The following ZMAT1 variants were observed in gnomAD, a reference collection of about 807,000 sequenced individuals.
ZMAT1 encodes zinc finger matrin-type 1.
A neutral mutation model predicts 18.5 loss-of-function variants in ZMAT1; 11 were observed. The ratio of observed to expected loss-of-function variants is 0.59; its 90% CI spans 0.37 to 0.98. The LOEUF (loss-of-function observed/expected upper bound fraction) is 0.98, where lower values mean the gene tolerates loss of function less well. ZMAT1 is among the 50% of genes least tolerant of loss of function. The probability of loss-of-function intolerance (pLI) is 0.01; values close to 1 mark genes in which losing one functional copy is unlikely to be tolerated. For missense variants in ZMAT1, 525 were observed against 496.2 expected, an observed-to-expected ratio of 1.06 and a Z score of -0.55; for synonymous variants, 211 against 176.4, an observed-to-expected ratio of 1.20 and a Z score of -1.55.
chrX:101,889,013 T>G (rs780076432), intron 4 of ZMAT1: 2 of 111,608 alleles, frequency 1.8e-5, no homozygotes, highest in Non-Finnish European at 3.8e-5. Context: ...AGAGGTAACA[T>G]AGAGGTTTAG....
chrX:101,884,647 A>T lies in ZMAT1; in HGVS notation c.951T>A (p.Asp317Glu). The T allele has an allele frequency of 1.7e-6, 2 of 1,210,799 alleles. No homozygotes were observed. The highest frequency in any genetic ancestry group is 2.2e-6 in the Non-Finnish European group (2 of 895,099). ...CAAACATTCTATGTCTGGGTCTGGAATCGACCACTTCTCTGTATCTACGGG... is the reference window on the plus strand; with the variant it reads ...CAAACATTCTATGTCTGGGTCTGGATTCGACCACTTCTCTGTATCTACGGG... ...LETRRYREVVDSRPRHRMFEQ... is the reference protein window; with the variant it reads ...LETRRYREVVESRPRHRMFEQ... The change falls in exon 6 of 6, where the codon GAT becomes GAA. Residue 317 changes from aspartate (D) to glutamate (E), a missense_variant. Coordinates refer to ENST00000651725, the MANE Select transcript of ZMAT1 (RefSeq NM_001394560.1).
intron 4 of ZMAT1, chrX:101,894,640 G>A: frequency 1.8e-6 from 1 of 565,571 alleles, no homozygotes; most frequent in Non-Finnish European, 2.1e-6. Flanking sequence ...ATGAAACCAT[G>A]GGAATACCTA....
intron 1 of ZMAT1, among the ~76,000 whole-genome samples, chrX:101,921,906 C>A (rs970703455): frequency 9.0e-6 from 1 of 111,487 alleles, no homozygotes; most frequent in African/African-American, 3.3e-5. Context: ...ACTGTTGACT[C>A]ATGCTCAGCT....
chrX:101,898,826 G>A (rs1928011171), intron 2 of ZMAT1, among the ~76,000 whole-genome samples: 1 of 111,558 alleles, frequency 9.0e-6, no homozygotes, highest in Non-Finnish European at 1.9e-5. Flanking sequence ...TGAGGTGGGC[G>A]GATCACAAGG....
At chrX:101,911,573 A>T in intron 1 of ZMAT1, 7 of 1,149,253 alleles carry the variant, frequency 6.1e-6, no homozygotes, top group Admixed American at 2.2e-5. Context: ...GAGAAGCCCT[A>T]TGAATGCAAT....
chrX:101,897,535 GTGTC>G (rs1444973002), intron 4 of ZMAT1, among the ~76,000 whole-genome samples: 12 of 100,956 alleles, frequency 1.2e-4, no homozygotes, highest in African/African-American at 2.9e-4. Flanking sequence ...GTGGAACAAA[GTGTC>G]TATCTAAAAA....
At chrX:101,892,977 G>A (rs913162304) in intron 4 of ZMAT1, among the ~76,000 whole-genome samples, 1 of 111,615 alleles carries the variant, frequency 9.0e-6, no homozygotes. Context: ...TCATTAGCTA[G>A]TTAAAATTCT....
At chrX:101,893,978 T>TA in intron 4 of ZMAT1, among the ~76,000 whole-genome samples, 1 of 110,882 alleles carries the variant, frequency 9.0e-6, no homozygotes, top group South Asian at 3.9e-4. Context: ...CTATGAAGCT[T>TA]AGATTTTATA....
At chrX:101,911,801 C>A in intron 1 of ZMAT1, 2 of 1,207,607 alleles carry the variant, frequency 1.7e-6, no homozygotes, top group Non-Finnish European at 2.2e-6. Flanking sequence ...CATCGAACAC[C>A]AGAGGATTCA....
At chrX:101,894,348 G>T in intron 4 of ZMAT1, 1 of 639,304 alleles carries the variant, frequency 1.6e-6, no homozygotes, top group Non-Finnish European at 1.9e-6. Context: ...GAAGCGCAGG[G>T]CTGGAGATAA....
chrX:101,896,301 GTTGT>G (rs1284508956), intron 4 of ZMAT1, among the ~76,000 whole-genome samples: 1 of 111,913 alleles, frequency 8.9e-6, no homozygotes, highest in Non-Finnish European at 1.9e-5. Flanking sequence ...AATCTATGCA[GTTGT>G]TTAAGACTAT....
intron 1 of ZMAT1, among the ~76,000 whole-genome samples, chrX:101,920,485 C>T (rs931351739): frequency 3.6e-5 from 4 of 111,490 alleles, no homozygotes; most frequent in Non-Finnish European, 3.8e-5. Flanking sequence ...TGTTGATGCT[C>T]TGATTTCAGT....
chrX:101,930,655 T>C (rs1248462108), intron 1 of ZMAT1, among the ~76,000 whole-genome samples: 1 of 112,194 alleles, frequency 8.9e-6, no homozygotes, highest in Non-Finnish European at 1.9e-5. Context: ...ATCTTTCACT[T>C]TGGAGGCAAG....
At chrX:101,893,359 T>C (rs1447945312) in intron 4 of ZMAT1, among the ~76,000 whole-genome samples, 2 of 111,423 alleles carry the variant, frequency 1.8e-5, no homozygotes, top group African/African-American at 3.3e-5. Flanking sequence ...CAAGTGAAAG[T>C]TGTCATTTCT....
At position 101,899,037 on chromosome X, in the gene ZMAT1, C is replaced by T. The variant is rs746516510; in HGVS notation, c.400-817G>A. Among the ~76,000 whole-genome samples, 10 of 110,339 alleles carry T rather than the reference C, an allele frequency of 9.1e-5. No homozygotes were observed. The East Asian group carries it at 2.6e-3, about 29-fold the overall frequency. On this transcript the variant is annotated intron_variant, in intron 2 of 5. Coordinates refer to ENST00000651725, the MANE Select transcript of ZMAT1 (RefSeq NM_001394560.1). ...CACTCCAGCCTAGGCGACAGAGACT[C>T]TGTCTCAAAAAAAAAATGCCTAGGT...
At chrX:101,922,026 T>C (rs886242454) in intron 1 of ZMAT1, among the ~76,000 whole-genome samples, 1 of 108,627 alleles carries the variant, frequency 9.2e-6, no homozygotes, top group African/African-American at 3.6e-5. Context: ...ATCTAATATA[T>C]ACTTATATTT....
intron 1 of ZMAT1, among the ~76,000 whole-genome samples, chrX:101,914,038 A>G (rs763044526): frequency 8.9e-6 from 1 of 111,778 alleles, no homozygotes; most frequent in Admixed American, 9.5e-5. Context: ...TAATAATAGG[A>G]ATTTTGAAAA....
intron 4 of ZMAT1, chrX:101,887,321 A>G: frequency 1.5e-6 from 1 of 685,299 alleles, no homozygotes; most frequent in Non-Finnish European, 1.7e-6. Flanking sequence ...CAAAACTACT[A>G]GTTACCACTT....
At chrX:101,892,656 T>C (rs1927499507) in intron 4 of ZMAT1, 1 of 657,428 alleles carries the variant, frequency 1.5e-6, no homozygotes, top group African/African-American at 2.4e-5. Flanking sequence ...GGGCCAAAAA[T>C]TAGTAAGATA....
Sources: allele counts gnomAD v4.1 joint callset (sites outside exome capture counted in the v4.1 genomes callset), GRCh38; gene constraint gnomAD v4.1.1; transcripts MANE v1.5; gene names NCBI Gene and HGNC (gene_info 2026-07-23, HGNC 2026-07-21).